Variants in BBX observed in about 807,000 individuals in gnomAD.
BBX encodes the protein HMG box transcription factor BBX.
In BBX, 30 loss-of-function variants were observed where a neutral mutation model predicts 100.2. The ratio of observed to expected loss-of-function variants is 0.30; its 90% CI spans 0.22 to 0.41. BBX has a LOEUF of 0.41. Ranked by LOEUF, BBX falls within the 10% of genes least tolerant of loss-of-function variation. BBX has a pLI of 1.00. For missense variants in BBX, 1,023 were observed against 1,129.8 expected (o/e 0.91, Z 1.35); for synonymous variants, 376 against 388.1 (o/e 0.97, Z 0.37).
intron 2 of BBX, among the ~76,000 whole-genome samples, chr3:107,583,237 A>G (rs955192761): frequency 6.6e-6 from 1 of 151,956 alleles, no homozygotes; most frequent in Non-Finnish European, 1.5e-5. Context: ...TTGAGTAGTT[A>G]AGAGTCTTAT....
At chr3:107,729,070 G>A (rs1411884083) in intron 6 of BBX, 110 bp downstream of exon 6, 5 of 1,088,326 alleles carry the variant, frequency 4.6e-6, no homozygotes, top group Non-Finnish European at 6.7e-6. Context: ...CCAATATTAA[G>A]CAGTGGCAAA....
At chr3:107,554,179 G>A (rs572790645) in intron 2 of BBX, among the ~76,000 whole-genome samples, 3 of 152,194 alleles carry the variant, frequency 2.0e-5, no homozygotes, top group Non-Finnish European at 4.4e-5. Context: ...TCCTTTACTG[G>A]AGAACAGAAG....
At chr3:107,577,525 G>T (rs1256147233) in intron 2 of BBX, among the ~76,000 whole-genome samples, 1 of 152,112 alleles carries the variant, frequency 6.6e-6, no homozygotes, top group Non-Finnish European at 1.5e-5. Flanking sequence ...CTAAATCTCA[G>T]TATCCTCATC....
chr3:107,781,014 A>G (rs1462863189), intron 13 of BBX, among the ~76,000 whole-genome samples: 2 of 152,058 alleles, frequency 1.3e-5, no homozygotes, highest in East Asian at 3.9e-4. Flanking sequence ...TCATCATTCA[A>G]TATTCATTAT....
intron 2 of BBX, among the ~76,000 whole-genome samples, chr3:107,601,503 T>A (rs1338544938): frequency 6.6e-6 from 1 of 152,202 alleles, no homozygotes; most frequent in East Asian, 1.9e-4. Flanking sequence ...ACAACTTTGT[T>A]GTTGATACGG....
chr3:107,602,542 C>T (rs2054136848), intron 2 of BBX, among the ~76,000 whole-genome samples: 1 of 152,148 alleles, frequency 6.6e-6, no homozygotes, highest in Non-Finnish European at 1.5e-5. Flanking sequence ...CATAGTGAGA[C>T]CTTGTCTCAA....
intron 2 of BBX, among the ~76,000 whole-genome samples, chr3:107,541,020 G>A (rs2048827866): frequency 6.6e-6 from 1 of 152,174 alleles, no homozygotes; most frequent in East Asian, 1.9e-4. Context: ...TCCCTGAGAA[G>A]CATCTTTCTC....
intron 7 of BBX, among the ~76,000 whole-genome samples, chr3:107,743,474 A>G (rs2064287342): frequency 2.6e-5 from 4 of 152,240 alleles, no homozygotes; most frequent in Admixed American, 2.6e-4. Context: ...GCAAATTAAT[A>G]AAAGCTTCTG....
At chr3:107,613,948 T>TTG (rs2107663821) in intron 2 of BBX, among the ~76,000 whole-genome samples, 1 of 114,994 alleles carries the variant, frequency 8.7e-6, no homozygotes, top group African/African-American at 4.5e-5. Context: ...ATGGTTTTTT[T>TTG]TTTTTTTTTT....
chr3:107,736,933 T>A (rs1236240415), intron 7 of BBX, among the ~76,000 whole-genome samples: 1 of 152,148 alleles, frequency 6.6e-6, no homozygotes, highest in Non-Finnish European at 1.5e-5. Context: ...GTTGTATGAC[T>A]GTTGGAAGCT....
At chr3:107,535,753 C>T (rs540034057) in intron 2 of BBX, among the ~76,000 whole-genome samples, 9 of 152,128 alleles carry the variant, frequency 5.9e-5, no homozygotes, top group African/African-American at 1.2e-4. Context: ...TCACCACGCC[C>T]GTCTACTTTT....
rs1013591722 is a variant in BBX at position 107,806,394 on chromosome 3, A to G, written c.*937A>G. 1 of 152,230 alleles carries G rather than the reference A, an allele frequency of 6.6e-6. No homozygotes were observed. Among genetic ancestry groups the G allele is most frequent in the African/African-American group, 2.4e-5 (1 of 41,458 alleles). The allele number at this position is 152,230 out of a possible 1,614,324, so 9.4% of individuals were successfully genotyped here. On this transcript the variant is annotated 3_prime_UTR_variant, in exon 18 of 18. Transcript: ENST00000325805. ...GAAGTGACCTTAGTATTACTTCACT[A>G]TTCTAAACACATTGAAGACACTCAC...
At chr3:107,677,766 A>G (rs1411508099) in intron 3 of BBX, among the ~76,000 whole-genome samples, 1 of 152,200 alleles carries the variant, frequency 6.6e-6, no homozygotes, top group African/African-American at 2.4e-5. Flanking sequence ...GTTGAGAAAC[A>G]TCTGTATTAA....
intron 2 of BBX, among the ~76,000 whole-genome samples, chr3:107,618,202 C>G (rs2055443086): frequency 6.6e-6 from 1 of 151,778 alleles, no homozygotes; most frequent in East Asian, 1.9e-4. Flanking sequence ...TGGACTCATC[C>G]TTGTATTCCT....
intron 12 of BBX, among the ~76,000 whole-genome samples, chr3:107,777,436 A>G (rs919012863): frequency 7.9e-5 from 12 of 152,184 alleles, no homozygotes; most frequent in African/African-American, 2.9e-4. Context: ...TTTACTGCTT[A>G]TAAGCTGGTA....
At chr3:107,685,203 G>A (rs547374668) in intron 3 of BBX, among the ~76,000 whole-genome samples, 1 of 152,152 alleles carries the variant, frequency 6.6e-6, no homozygotes, top group South Asian at 2.1e-4. Context: ...TAAGAGAATA[G>A]GAAGCCCATC....
intron 2 of BBX, among the ~76,000 whole-genome samples, chr3:107,626,273 A>G (rs926870274): frequency 6.6e-6 from 1 of 152,204 alleles, no homozygotes; most frequent in Non-Finnish European, 1.5e-5. Context: ...AAAGAGAAAA[A>G]ACAGTTCAAC....
At chr3:107,646,963 G>A (rs1576158912) in intron 3 of BBX, among the ~76,000 whole-genome samples, 1 of 152,220 alleles carries the variant, frequency 6.6e-6, no homozygotes, top group South Asian at 2.1e-4. Flanking sequence ...ATAGTAAAAT[G>A]TATATGATTT....
intron 15 of BBX, among the ~76,000 whole-genome samples, chr3:107,796,463 G>T (rs963110): frequency 0.44 from 66,422 of 152,070 alleles, 15,937 homozygotes; most frequent in East Asian, 0.93. Context: ...ACAATGTGGT[G>T]ATTCTATTGG....
Sources: gnomAD v4.1 joint callset for allele counts (sites outside exome capture counted in the v4.1 genomes callset) on GRCh38, gnomAD v4.1.1 for gene constraint, MANE v1.5 for transcripts, NCBI Gene and HGNC (gene_info 2026-07-23, HGNC 2026-07-21) for gene names.